The following SIGLEC11 variants were observed in gnomAD, a reference collection of about 807,000 sequenced individuals.
The protein encoded by SIGLEC11 is sialic acid-binding Ig-like lectin 11.
Under a neutral mutation model 61.2 loss-of-function variants are expected in SIGLEC11, and 47 were observed. That is an observed-to-expected ratio of 0.77 (90% CI 0.61 to 0.98). SIGLEC11 has a LOEUF of 0.98. Among genes scored for constraint, SIGLEC11 ranks in the 50% least tolerant of loss-of-function variants. SIGLEC11 has a pLI of 0.00. For synonymous variants in SIGLEC11, 278 were observed against 373.1 expected, an observed-to-expected ratio of 0.75 and a Z score of 2.94; for missense variants, 610 against 870.3, an observed-to-expected ratio of 0.70 and a Z score of 3.76.
rs369116394 is a variant in SIGLEC11, at chr19:49,958,649, C to T, written c.1357G>A (p.Val453Met). The T allele has an allele frequency of 3.4e-5, 55 of 1,594,816 alleles. 1 individual carries two copies. The South Asian group carries it at 4.2e-4, about 12-fold the overall frequency. The part of the protein sequence containing the change: ...GSQHVSLSLS[V>M]HYPPQLLGPS... ...TCCCCTTTCCCCCACTCACAGTGCA[C>T]GGAGAGGCTGAGAGAGACGTGCTGG... Residue 453 changes from valine to methionine, a missense_variant, in exon 7 of 11, where the codon GTG becomes ATG. Physicochemically the swap from Val to Met is conservative, Grantham distance 21. This residue lies in a region of SIGLEC11 where 432 missense variants were observed against 441.5 expected (regional missense o/e 0.98). Coordinates refer to ENST00000447370, the MANE Select transcript of SIGLEC11 (RefSeq NM_052884.3).
intron 8 of SIGLEC11, 63 bp downstream of exon 8, chr19:49,958,220 C>T (rs2076211454): frequency 6.3e-7 from 1 of 1,596,800 alleles, no homozygotes; most frequent in Non-Finnish European, 8.5e-7. Flanking sequence ...AACCTTGAAC[C>T]TTCATCTTTC....
In SIGLEC11 at chr19:49,949,892, A is replaced by C; in HGVS notation, c.*78T>G. The stretch of plus-strand genomic sequence containing the variant: ...AGCTCTTCATTGGGGATGGGGCTGA[A>C]ATCTGAGTCCAGTTCTGGCCGTCAC... On this transcript the variant is annotated 3_prime_UTR_variant, in exon 11 of 11. Transcript: ENST00000447370. 7.6e-7 allele frequency: 1 copy of C among 1,308,426 alleles called. No individual in the cohort carries two copies. The highest frequency in any genetic ancestry group is 9.8e-7 in the Non-Finnish European group (1 of 1,016,254). 81.1% of individuals were successfully genotyped at this position (1,308,426 alleles called of 1,614,324 possible). A position where few individuals can be genotyped will look rare whatever the true frequency, so the allele number is the denominator to read the frequency against.
rs150689525 is a variant in SIGLEC11 at position 49,960,652 on chromosome 19, G to A, written c.360C>T (p.Asp120=). 2.4e-5 allele frequency: 39 copies of A among 1,606,814 alleles called. 1 individual carries two copies. Among genetic ancestry groups the A allele is most frequent in the East Asian group, 4.5e-5 (2 of 44,868 alleles). ...ACCATGCCTCATCCTCCCTCTGCGC[G>A]TCTCTGATCACCAAGGAGCAGCTCC... The part of the protein sequence containing the change: ...GKGSCSLVIR[D]AQREDEAWYF... Residue 120 remains aspartate (D), a synonymous_variant, in exon 2 of 11, where the codon GAC becomes GAT. Transcript: ENST00000447370.
At chr19:49,953,261 T>C (rs6509448) in intron 8 of SIGLEC11, among the ~76,000 whole-genome samples, 66,760 of 151,980 alleles carry the variant, frequency 0.44, 15,202 homozygotes, top group South Asian at 0.62. Context: ...AGAAACAGTG[T>C]ACGTCAGGAA....
At position 49,961,059 on chromosome 19, in the gene SIGLEC11, G is replaced by T. The variant is rs2076244377; in HGVS notation, c.23C>A (p.Pro8His). 1 of 1,270,476 alleles carries T rather than the reference G, an allele frequency of 7.9e-7. No homozygotes were observed. Among genetic ancestry groups the T allele is most frequent in the East Asian group, 2.5e-5 (1 of 39,890 alleles). 78.7% of individuals were successfully genotyped at this position (1,270,476 alleles called of 1,614,324 possible). The change falls in exon 1 of 11, where the codon CCC becomes CAC. Residue 8 changes from proline (P) to histidine (H), a missense_variant. Physicochemically the swap from Pro to His is moderately conservative, Grantham distance 77 (BLOSUM62 -2). This residue lies in a region of SIGLEC11 where 27 missense variants were observed against 96.0 expected (regional missense o/e 0.28). Coordinates refer to ENST00000447370, the MANE Select transcript of SIGLEC11 (RefSeq NM_052884.3). Reference protein sequence around the residue: MVPGQAQPQSPEMLLLPL... With the variant: MVPGQAQHQSPEMLLLPL... ...CAGCAGCAGCATCTCTGGGCTCTGGGGCTGGGCCTGTCCCGGGACCATCTG... is the reference window on the plus strand; with the variant it reads ...CAGCAGCAGCATCTCTGGGCTCTGGTGCTGGGCCTGTCCCGGGACCATCTG...
chr19:49,949,082 C>T lies in SIGLEC11; in HGVS notation c.*888G>A, dbSNP rs931839186. The T allele has an allele frequency of 6.6e-6, 1 of 151,936 alleles. No individual in the cohort carries two copies. The highest frequency in any genetic ancestry group is 2.4e-5 in the African/African-American group (1 of 41,290). 9.4% of individuals were successfully genotyped at this position (151,936 alleles called of 1,614,324 possible). ...CTCGGCTCACTGCAACCTCCACCTC[C>T]CGGGTTCAACCAATTCTCTGCCTAG... On this transcript the variant is annotated 3_prime_UTR_variant, in exon 11 of 11. Coordinates refer to ENST00000447370, the MANE Select transcript of SIGLEC11 (RefSeq NM_052884.3).
At chr19:49,954,655 G>T (rs1027269932) in intron 8 of SIGLEC11, among the ~76,000 whole-genome samples, 3 of 152,108 alleles carry the variant, frequency 2.0e-5, no homozygotes, top group Admixed American at 6.5e-5. Flanking sequence ...TAGATCTGAC[G>T]CAATCCGTCT....
chr19:49,950,755 T>G (rs1172509065), intron 10 of SIGLEC11, among the ~76,000 whole-genome samples: 6 of 152,148 alleles, frequency 3.9e-5, no homozygotes, highest in African/African-American at 1.2e-4. Context: ...ATTAAAGCTA[T>G]AGTCAATGAA....
chr19:49,958,941 T>C (rs1263117295), intron 6 of SIGLEC11, 41 bp from the exon 7 acceptor site: 2 of 1,611,126 alleles, frequency 1.2e-6, no homozygotes, highest in South Asian at 2.2e-5. Context: ...AGCTCAGGGC[T>C]CAGGGACCCT....
chr19:49,950,502 A>G (rs2076152296), intron 10 of SIGLEC11, among the ~76,000 whole-genome samples: 1 of 152,038 alleles, frequency 6.6e-6, no homozygotes, highest in African/African-American at 2.4e-5. Flanking sequence ...CCTCACCACA[A>G]TCCACTGGGG....
rs2076245179 is a variant in SIGLEC11, at chr19:49,961,144, C to A, written c.-63G>T. On this transcript the variant is annotated 5_prime_UTR_variant, in exon 1 of 11. Coordinates refer to ENST00000447370, the MANE Select transcript of SIGLEC11 (RefSeq NM_052884.3). ...TCCAGCAGGAAGCCTGGTGGAGGGG[C>A]AGTGACCATCCACAGAGGAGGAGCC... 1 of 1,511,684 alleles carries A rather than the reference C, an allele frequency of 6.6e-7. No individual in the cohort carries two copies. The highest frequency in any genetic ancestry group is 8.8e-7 in the Non-Finnish European group (1 of 1,138,210). 93.6% of individuals were successfully genotyped at this position (1,511,684 alleles called of 1,614,324 possible).
chr19:49,951,849 G>C lies in SIGLEC11; in HGVS notation c.1830+42C>G. The C allele has an allele frequency of 6.6e-7, 1 of 1,513,786 alleles. No homozygotes were observed. The allele number at this position is 1,513,786 out of a possible 1,614,324, so 93.8% of individuals were successfully genotyped here. A position where few individuals can be genotyped will look rare whatever the true frequency, so the allele number is the denominator to read the frequency against. On this transcript the variant is annotated intron_variant, in intron 10 of 10. Coordinates refer to ENST00000447370, the MANE Select transcript of SIGLEC11 (RefSeq NM_052884.3). The surrounding 1 kb of genome is among the most constrained non-coding windows in gnomAD (Gnocchi z 4.6). ...GACTACCCATGGCCATCAAGGAAAG[G>C]GGAACAGGCAGGGCCCCAGCAGACA...
intron 8 of SIGLEC11, among the ~76,000 whole-genome samples, chr19:49,953,171 A>T (rs2076170727): frequency 6.6e-6 from 1 of 152,190 alleles, no homozygotes; most frequent in Admixed American, 6.6e-5. Context: ...TTCAGCCTGG[A>T]GGAGAAATCA....
Position 49,958,746 on chromosome 19 carries a change from G to T in SIGLEC11, c.1260C>A (p.Val420=), listed in dbSNP as rs1305733814. ...VGPSQPSDPG[V]LELPPIQMEH... The stretch of plus-strand genomic sequence containing the variant: ...CCATTTGAATGGGTGGCAGCTCCAG[G>T]ACCCCGGGGTCTGAGGGCTGGGAGG... The change falls in exon 7 of 11, where the codon GTC becomes GTA. Residue 420 remains valine (V), a synonymous_variant. Coordinates refer to ENST00000447370, the MANE Select transcript of SIGLEC11 (RefSeq NM_052884.3). 1 of 1,613,798 alleles carries T rather than the reference G, an allele frequency of 6.2e-7. No individual in the cohort carries two copies. Among genetic ancestry groups the T allele is most frequent in the African/African-American group, 1.3e-5 (1 of 74,926 alleles).
At chr19:49,953,916 C>G (rs74421786) in intron 8 of SIGLEC11, among the ~76,000 whole-genome samples, 2 of 152,106 alleles carry the variant, frequency 1.3e-5, no homozygotes. Flanking sequence ...AGCTAACCCC[C>G]CAAAGGTTGA....
rs543230413 is a variant in SIGLEC11, at chr19:49,958,267, C to A, written c.1651+16G>T. ...CTCCTTTCTCCCTGAACCTCAGCCCCCCACAGTCCCCTCACCTGGTAGCAG... is the reference window on the plus strand; with the variant it reads ...CTCCTTTCTCCCTGAACCTCAGCCCACCACAGTCCCCTCACCTGGTAGCAG... On this transcript the variant is annotated intron_variant, in intron 8 of 10. Coordinates refer to ENST00000447370, the MANE Select transcript of SIGLEC11 (RefSeq NM_052884.3). The A allele has an allele frequency of 6.2e-7, 1 of 1,612,244 alleles. No individual in the cohort carries two copies. The highest frequency in any genetic ancestry group is 2.2e-5 in the East Asian group (1 of 44,864).
At chr19:49,952,098 G>T in intron 9 of SIGLEC11, 126 bp from the exon 10 acceptor site, 1 of 1,062,448 alleles carries the variant, frequency 9.4e-7, no homozygotes, top group South Asian at 1.6e-5. Context: ...TATCCACGGG[G>T]TGACTTCCAT....
rs200076826 is a variant in SIGLEC11, at chr19:49,958,775, C to A, written c.1231G>T (p.Gly411Cys). The change falls in exon 7 of 11, where the codon GGC (glycine) becomes TGC (cysteine). Residue 411 changes from glycine to cysteine, a missense_variant. By Grantham distance (159) the Gly-to-Cys change is radical. Transcript: ENST00000447370. ...CCGGGGTCTGAGGGCTGGGAGGGGC[C>A]CACGGTCTGTCCCCACCGGGTCCAG... ...LSWTRWGQTV[G>C]PSQPSDPGVL... 4.6e-5 allele frequency: 74 copies of A among 1,613,654 alleles called. No individual in the cohort carries two copies. The highest frequency in any genetic ancestry group is 5.8e-5 in the Non-Finnish European group (69 of 1,179,866).
At chr19:49,950,337 C>G in intron 10 of SIGLEC11, 101 bp from the exon 11 acceptor site, 1 of 1,263,500 alleles carries the variant, frequency 7.9e-7, no homozygotes, top group African/African-American at 1.5e-5. Flanking sequence ...TTTCCTGTTT[C>G]ACCTACTCAT....
Sources: allele counts gnomAD v4.1 joint callset (sites outside exome capture counted in the v4.1 genomes callset), GRCh38; gene constraint gnomAD v4.1.1; regional missense constraint gnomAD v4.1.1; non-coding constraint Gnocchi (gnomAD v3.1); transcripts MANE v1.5; gene names NCBI Gene and HGNC (gene_info 2026-07-23, HGNC 2026-07-21).